Variants in LAIR1 observed in about 807,000 individuals in gnomAD.
LAIR1 encodes the protein leukocyte associated immunoglobulin like receptor 1.
In LAIR1, 24 loss-of-function variants were observed where a neutral mutation model predicts 32.8. That is an observed-to-expected ratio of 0.73 (90% CI 0.53 to 1.03). LAIR1 has a LOEUF of 1.03. LAIR1 is among the 50% of genes least tolerant of loss of function. The probability of loss-of-function intolerance (pLI) is 0.00; values close to 1 mark genes in which losing one functional copy is unlikely to be tolerated. For synonymous variants in LAIR1, 150 were observed against 140.5 expected, an observed-to-expected ratio of 1.07 and a Z score of -0.48; for missense variants, 355 against 347.5, an observed-to-expected ratio of 1.02 and a Z score of -0.17.
At chr19:54,356,762 T>C in intron 5 of LAIR1, 143 bp from the exon 6 acceptor site, 2 of 1,168,434 alleles carry the variant, frequency 1.7e-6, no homozygotes, top group Non-Finnish European at 2.5e-6. Flanking sequence ...ACAGGGATCG[T>C]TATCCCCTTC....
At position 54,354,892 on chromosome 19, in the gene LAIR1, C is replaced by A. The variant is rs183557746; in HGVS notation, c.*376G>T. 5.2e-6 allele frequency: 1 copy of A among 192,994 alleles called. No individual in the cohort carries two copies. The allele number at this position is 192,994 out of a possible 1,614,324, so 12.0% of individuals were successfully genotyped here. On this transcript the variant is annotated 3_prime_UTR_variant, in exon 10 of 10. Coordinates refer to ENST00000391742, the MANE Select transcript of LAIR1 (RefSeq NM_002287.6). ...TAGGACAAGCTTGGAGGTGGCATCACTGCTCAGGAAATCGGCTGATTGGCT... is the reference window on the plus strand; with the variant it reads ...TAGGACAAGCTTGGAGGTGGCATCAATGCTCAGGAAATCGGCTGATTGGCT...
At chr19:54,363,375 C>T (rs1271754875) in intron 2 of LAIR1, among the ~76,000 whole-genome samples, 3 of 151,810 alleles carry the variant, frequency 2.0e-5, no homozygotes, top group Admixed American at 6.6e-5. Context: ...TCATGTTCCC[C>T]GCCAAGAAGC....
the LAIR1 span, among the ~76,000 whole-genome samples, chr19:54,375,629 G>A: frequency 2.0e-5 from 3 of 152,162 alleles, no homozygotes; most frequent in African/African-American, 7.2e-5. Flanking sequence ...AGACTTGAAG[G>A]AGACGGCGAC....
upstream of LAIR1, among the ~76,000 whole-genome samples, chr19:54,366,876 A>G (rs1236516103): frequency 2.0e-5 from 3 of 152,194 alleles, no homozygotes; most frequent in African/African-American, 4.8e-5. Context: ...CAAAGAAATT[A>G]CCTAAAGGTA....
chr19:54,371,186 C>T (rs1190906316), upstream of LAIR1, among the ~76,000 whole-genome samples: 1 of 151,544 alleles, frequency 6.6e-6, no homozygotes, highest in Non-Finnish European at 1.5e-5. Flanking sequence ...GTACCGTAAC[C>T]AGCATCTGAA....
In LAIR1 at chr19:54,355,055, G is replaced by A. The variant is rs1042502766; in HGVS notation, c.*213C>T. 2 of 500,880 alleles carry A rather than the reference G, an allele frequency of 4.0e-6. No homozygotes were observed. The highest frequency in any genetic ancestry group is 7.1e-6 in the Non-Finnish European group (2 of 281,890). The allele number at this position is 500,880 out of a possible 1,614,324, so 31.0% of individuals were successfully genotyped here. A position where few individuals can be genotyped will look rare whatever the true frequency, so the allele number is the denominator to read the frequency against. Reference sequence around the variant, plus strand: ...AATAACTGAGAAACAGTCTGTCCAAGGAGCTGCTCGATTGTAGAAGGGACC... The same window carrying A: ...AATAACTGAGAAACAGTCTGTCCAAAGAGCTGCTCGATTGTAGAAGGGACC... On this transcript the variant is annotated 3_prime_UTR_variant, in exon 10 of 10. Transcript: ENST00000391742. The surrounding 1 kb of genome is among the most constrained non-coding windows in gnomAD (Gnocchi z 4.7).
Position 54,353,330 on chromosome 19 carries a change from C to T in LAIR1, c.*1938G>A, listed in dbSNP as rs1262917271. On this transcript the variant is annotated 3_prime_UTR_variant, in exon 10 of 10. Coordinates refer to ENST00000391742, the MANE Select transcript of LAIR1 (RefSeq NM_002287.6). Reference sequence around the variant, plus strand: ...AAGAAAGCAAAGATACAGAGTACAGCACTGGGAAGCAGATCCCAGGAGGAA... The same window carrying T: ...AAGAAAGCAAAGATACAGAGTACAGTACTGGGAAGCAGATCCCAGGAGGAA... 1 of 152,170 alleles carries T rather than the reference C, an allele frequency of 6.6e-6. No individual in the cohort carries two copies. The highest frequency in any genetic ancestry group is 6.6e-5 in the Admixed American group (1 of 15,266). 9.4% of individuals were successfully genotyped at this position (152,170 alleles called of 1,614,324 possible).
rs2081585855 is a variant in LAIR1 at position 54,353,779 on chromosome 19, C to G, written c.*1489G>C. On this transcript the variant is annotated 3_prime_UTR_variant, in exon 10 of 10. Coordinates refer to ENST00000391742, the MANE Select transcript of LAIR1 (RefSeq NM_002287.6). ...ACGGAGTCTCGCTCTGTCGCCCAGG[C>G]TGGAGTGCAGTGGCACCACCTCGGC... 1 of 151,590 alleles carries G rather than the reference C, an allele frequency of 6.6e-6. No individual in the cohort carries two copies. The highest frequency in any genetic ancestry group is 2.4e-5 in the African/African-American group (1 of 41,242). The allele number at this position is 151,590 out of a possible 1,614,324, so 9.4% of individuals were successfully genotyped here.
At position 54,364,416 on chromosome 19, in the gene LAIR1, G is replaced by A. The variant is rs1326839330; in HGVS notation, c.35-86C>T. On this transcript the variant is annotated intron_variant, in intron 1 of 9. Transcript: ENST00000391742. The surrounding 1 kb of genome is among the most constrained non-coding windows in gnomAD (Gnocchi z 4.8). ...TCAAAAGGGGGCTCGATGGAGCTGG[G>A]GGGCATTCAGCATTTCATAACGACC... 7 of 1,527,660 alleles carry A rather than the reference G, an allele frequency of 4.6e-6. No homozygotes were observed. The highest frequency in any genetic ancestry group is 2.7e-5 in the African/African-American group (2 of 73,150). The allele number at this position is 1,527,660 out of a possible 1,614,324, so 94.6% of individuals were successfully genotyped here.
chr19:54,355,851 G>T lies in LAIR1; in HGVS notation c.717+103C>A. On this transcript the variant is annotated intron_variant, in intron 9 of 9. Coordinates refer to ENST00000391742, the MANE Select transcript of LAIR1 (RefSeq NM_002287.6). This position sits in a 1 kb window ranked among gnomAD's most constrained non-coding sequence, Gnocchi z 4.7. ...GCAACCTCAGGACAGGCCGTGAGCCGGAACCGCCCAGCTGAGCCACTCCTG... is the reference window on the plus strand; with the variant it reads ...GCAACCTCAGGACAGGCCGTGAGCCTGAACCGCCCAGCTGAGCCACTCCTG... The T allele has an allele frequency of 1.2e-6, 1 of 824,348 alleles. No individual in the cohort carries two copies. Among genetic ancestry groups the T allele is most frequent in the South Asian group, 1.4e-5 (1 of 71,624 alleles). The allele number at this position is 824,348 out of a possible 1,614,324, so 51.1% of individuals were successfully genotyped here. A position where few individuals can be genotyped will look rare whatever the true frequency, so the allele number is the denominator to read the frequency against.
chr19:54,355,125 C>T lies in LAIR1; in HGVS notation c.*143G>A, dbSNP rs545341120. ...TGGATGCTGGTTAGAAACCTCCAGT[C>T]TCCAGCTCTTGTCTCCAGGACAGCT... On this transcript the variant is annotated 3_prime_UTR_variant, in exon 10 of 10. Coordinates refer to ENST00000391742, the MANE Select transcript of LAIR1 (RefSeq NM_002287.6). This position sits in a 1 kb window ranked among gnomAD's most constrained non-coding sequence, Gnocchi z 4.7. 31 of 788,664 alleles carry T rather than the reference C, an allele frequency of 3.9e-5. 1 individual carries two copies. In the South Asian group the frequency reaches 5.3e-4, roughly 13 times the overall value. The allele number at this position is 788,664 out of a possible 1,614,324, so 48.9% of individuals were successfully genotyped here.
intron 4 of LAIR1, among the ~76,000 whole-genome samples, chr19:54,359,602 G>A (rs2081908525): frequency 1.3e-5 from 2 of 152,258 alleles, no homozygotes; most frequent in Admixed American, 1.3e-4. Context: ...GTGAGGCCAC[G>A]CCCACAAGGG....
At chr19:54,372,618 G>A (rs1263952994), upstream of LAIR1, among the ~76,000 whole-genome samples, 1 of 150,114 alleles carries the variant, frequency 6.7e-6, no homozygotes, top group Non-Finnish European at 1.5e-5. Context: ...AGCCTCGTGA[G>A]TAACTGGGAT....
upstream of LAIR1, among the ~76,000 whole-genome samples, chr19:54,375,068 G>A (rs191503793): frequency 3.3e-3 from 498 of 152,296 alleles, 1 homozygote; most frequent in Non-Finnish European, 5.0e-3. Context: ...TCAGTACGTC[G>A]CTCAAAATCT....
chr19:54,369,778 A>G (rs548373804), upstream of LAIR1, among the ~76,000 whole-genome samples: 1 of 151,758 alleles, frequency 6.6e-6, no homozygotes, highest in East Asian at 1.9e-4. Flanking sequence ...CAGAAATAAA[A>G]TGACACAAGA....
chr19:54,364,588 CCT>C lies in LAIR1; in HGVS notation c.34+181_34+182del. The C allele has an allele frequency of 1.2e-6, 1 of 814,326 alleles. No homozygotes were observed. Among genetic ancestry groups the C allele is most frequent in the Admixed American group, 1.9e-5 (1 of 51,286 alleles). 50.4% of individuals were successfully genotyped at this position (814,326 alleles called of 1,614,324 possible). A position where few individuals can be genotyped will look rare whatever the true frequency, so the allele number is the denominator to read the frequency against. ...CTGACCTCATCCCCACACCCGGGCC[CCT>C]GTTTTTAGGACAAGATCTTCTCTGA... On this transcript the variant is annotated intron_variant, in intron 1 of 9. Coordinates refer to ENST00000391742, the MANE Select transcript of LAIR1 (RefSeq NM_002287.6). The surrounding 1 kb of genome is among the most constrained non-coding windows in gnomAD (Gnocchi z 4.8).
intron 4 of LAIR1, chr19:54,358,399 TATATA>T (rs1305192438): frequency 0.045 from 86 of 1,930 alleles, no homozygotes; most frequent in Admixed American, 0.26. Flanking sequence ...ATATATATAA[TATATA>T]TATATATTAT....
At chr19:54,367,062 T>C (rs528921136), upstream of LAIR1, among the ~76,000 whole-genome samples, 1 of 152,230 alleles carries the variant, frequency 6.6e-6, no homozygotes, top group African/African-American at 2.4e-5. Flanking sequence ...CCAAAACATC[T>C]CATCTACCCC....
chr19:54,368,950 G>T (rs1414311045), upstream of LAIR1, among the ~76,000 whole-genome samples: 1 of 151,236 alleles, frequency 6.6e-6, no homozygotes, highest in African/African-American at 2.5e-5. Context: ...GCATCCCAAA[G>T]TGCTGAGATT....
Sources: allele counts gnomAD v4.1 joint callset (sites outside exome capture counted in the v4.1 genomes callset), GRCh38; gene constraint gnomAD v4.1.1; non-coding constraint Gnocchi (gnomAD v3.1); transcripts MANE v1.5; gene names NCBI Gene and HGNC (gene_info 2026-07-23, HGNC 2026-07-21).